STIM1: variants seen among roughly 807,000 people sequenced by gnomAD.
STIM1 encodes stromal interaction molecule 1.
STIM1 carries 25 observed loss-of-function variants against 74.7 expected under a neutral mutation model. That is an observed-to-expected ratio of 0.33 (90% CI 0.24 to 0.47). The LOEUF is 0.47. Ranked by LOEUF, STIM1 falls within the 20% of genes least tolerant of loss-of-function variation. The pLI, the probability that STIM1 is intolerant of heterozygous loss-of-function variation, is 1.00. For synonymous variants in STIM1, 328 were observed against 348.8 expected, an observed-to-expected ratio of 0.94 and a Z score of 0.66; for missense variants, 728 against 920.8, an observed-to-expected ratio of 0.79 and a Z score of 2.71.
At chr11:4,048,289 CCTGCAGTG>C (rs768429139) in intron 3 of STIM1, among the ~76,000 whole-genome samples, 7 of 152,126 alleles carry the variant, frequency 4.6e-5, no homozygotes, top group Admixed American at 1.3e-4. Context: ...ACATCTTGGA[CCTGCAGTG>C]CTGACTTAAA....
chr11:3,934,819 G>A (rs11030326), intron 1 of STIM1, among the ~76,000 whole-genome samples: 6,120 of 152,298 alleles, frequency 0.04, 253 homozygotes, highest in East Asian at 0.17. Flanking sequence ...GAGCACAGAT[G>A]TTATCTTTGC....
chr11:3,936,603 A>C (rs1400000003), intron 1 of STIM1, among the ~76,000 whole-genome samples: 1 of 152,202 alleles, frequency 6.6e-6, no homozygotes, highest in East Asian at 1.9e-4. Context: ...AGGCTCACAT[A>C]ACTGGAATAG....
At chr11:3,917,416 C>T (rs1471727179) in intron 1 of STIM1, among the ~76,000 whole-genome samples, 2 of 151,216 alleles carry the variant, frequency 1.3e-5, no homozygotes, top group Non-Finnish European at 2.9e-5. Context: ...AAGGTGAATG[C>T]TGACTTCACA....
chr11:3,897,287 C>T (rs1259845835), intron 1 of STIM1, among the ~76,000 whole-genome samples: 1 of 152,152 alleles, frequency 6.6e-6, no homozygotes, highest in Admixed American at 6.5e-5. Context: ...CTCTTCTTTC[C>T]TCTGCTGCCT....
At chr11:3,905,384 T>A (rs897524847) in intron 1 of STIM1, among the ~76,000 whole-genome samples, 3 of 151,362 alleles carry the variant, frequency 2.0e-5, no homozygotes, top group African/African-American at 7.3e-5. Context: ...TTTTTTTTTT[T>A]AAAGGTGGAG....
chr11:3,915,669 T>C (rs1260700540), intron 1 of STIM1, among the ~76,000 whole-genome samples: 1 of 152,112 alleles, frequency 6.6e-6, no homozygotes, highest in Non-Finnish European at 1.5e-5. Context: ...AGTGCTGGGA[T>C]TATAGGCATG....
intron 2 of STIM1, among the ~76,000 whole-genome samples, chr11:4,008,628 C>A (rs1214040144): frequency 6.6e-6 from 1 of 152,160 alleles, no homozygotes; most frequent in Non-Finnish European, 1.5e-5. Flanking sequence ...ATGCTAGCAG[C>A]TCAGGGTGCA....
chr11:3,905,763 T>C (rs1375382223), intron 1 of STIM1, among the ~76,000 whole-genome samples: 1 of 152,222 alleles, frequency 6.6e-6, no homozygotes, highest in East Asian at 1.9e-4. Context: ...CAGCCAGGTT[T>C]CTGGAACTGC....
At chr11:3,862,649 T>C (rs2090665081) in intron 1 of STIM1, among the ~76,000 whole-genome samples, 1 of 152,078 alleles carries the variant, frequency 6.6e-6, no homozygotes, top group Non-Finnish European at 1.5e-5. Flanking sequence ...GGTTTCACTG[T>C]GTTAGCCAGG....
chr11:3,873,775 T>G (rs1291428580), intron 1 of STIM1, among the ~76,000 whole-genome samples: 2 of 152,092 alleles, frequency 1.3e-5, no homozygotes, highest in African/African-American at 2.4e-5. Flanking sequence ...ACCTAACTGC[T>G]CCTCCTGAGC....
chr11:4,035,628 G>A (rs2094093231), intron 3 of STIM1, among the ~76,000 whole-genome samples: 1 of 151,738 alleles, frequency 6.6e-6, no homozygotes, highest in Admixed American at 6.6e-5. Context: ...CCAAACATTT[G>A]GAGATTTTTT....
intron 7 of STIM1, among the ~76,000 whole-genome samples, chr11:4,075,298 G>T (rs183765527): frequency 6.6e-6 from 1 of 152,092 alleles, no homozygotes; most frequent in Admixed American, 6.5e-5. Context: ...CAGCTGGCAA[G>T]CTTTTGCATA....
At chr11:3,994,977 A>G (rs1377905333) in intron 2 of STIM1, among the ~76,000 whole-genome samples, 2 of 152,104 alleles carry the variant, frequency 1.3e-5, no homozygotes, top group African/African-American at 4.8e-5. Context: ...CAACTCCAGA[A>G]CATCCATTTG....
At chr11:4,032,062 AT>A (rs1209470313) in intron 3 of STIM1, among the ~76,000 whole-genome samples, 6 of 152,362 alleles carry the variant, frequency 3.9e-5, no homozygotes, top group African/African-American at 1.4e-4. Flanking sequence ...GGTGTGAAAT[AT>A]GGAACTTACT....
At chr11:3,952,407 A>G (rs1030598198) in intron 1 of STIM1, among the ~76,000 whole-genome samples, 1 of 152,168 alleles carries the variant, frequency 6.6e-6, no homozygotes, top group Non-Finnish European at 1.5e-5. Flanking sequence ...AAATAAATAA[A>G]TAAATAAAAT....
intron 4 of STIM1, chr11:4,058,882 C>G (rs10835554): frequency 0.35 from 367,922 of 1,054,492 alleles, 67,593 homozygotes; most frequent in South Asian, 0.48. Context: ...CCCAGAATCA[C>G]TGGGTCATAT....
intron 1 of STIM1, among the ~76,000 whole-genome samples, chr11:3,919,622 C>T (rs541306870): frequency 8.5e-5 from 13 of 152,182 alleles, no homozygotes; most frequent in East Asian, 5.8e-4. Context: ...GAAATATATT[C>T]GTATCCTAAG....
intron 1 of STIM1, among the ~76,000 whole-genome samples, chr11:3,883,552 C>A (rs550794230): frequency 1.3e-5 from 2 of 152,234 alleles, no homozygotes; most frequent in East Asian, 3.9e-4. Flanking sequence ...GGGGTTTTAC[C>A]ATGTTGGTCA....
intron 1 of STIM1, among the ~76,000 whole-genome samples, chr11:3,878,558 A>T (rs2135307881): frequency 6.6e-6 from 1 of 152,288 alleles, no homozygotes; most frequent in African/African-American, 2.4e-5. Flanking sequence ...AAGGTCACTC[A>T]TCTGGCAGTG....
Sources: gnomAD v4.1 joint callset for allele counts (sites outside exome capture counted in the v4.1 genomes callset) on GRCh38, gnomAD v4.1.1 for gene constraint, MANE v1.5 for transcripts, NCBI Gene and HGNC (gene_info 2026-07-23, HGNC 2026-07-21) for gene names.